ABHD12: variants seen among roughly 807,000 people sequenced by gnomAD.
ABHD12 encodes lysophosphatidylserine lipase ABHD12.
ABHD12 carries 43 observed loss-of-function variants against 58.3 expected under a neutral mutation model. That is an observed-to-expected ratio of 0.74 (90% CI 0.58 to 0.95). The LOEUF is 0.95. ABHD12 is among the 40% of genes least tolerant of loss of function. The pLI, the probability that ABHD12 is intolerant of heterozygous loss-of-function variation, is 0.00. For synonymous variants in ABHD12, 219 were observed against 211.2 expected, an observed-to-expected ratio of 1.04 and a Z score of -0.32; for missense variants, 539 against 537.2, an observed-to-expected ratio of 1.00 and a Z score of -0.03.
chr20:25,296,291 C>T (rs2145906566), downstream of ABHD12: 1 of 1,553,874 alleles, frequency 6.4e-7, no homozygotes. Context: ...GGAAACAGTC[C>T]TAAAGTTCTG....
At chr20:25,354,096 G>A (rs956287481) in intron 1 of ABHD12, among the ~76,000 whole-genome samples, 1 of 152,220 alleles carries the variant, frequency 6.6e-6, no homozygotes, top group South Asian at 2.1e-4. Flanking sequence ...CTTTAAGGAC[G>A]GGGAGGTTCT....
intron 6 of ABHD12, 26 bp from the exon 7 acceptor site, chr20:25,309,601 G>C (rs1408756416): frequency 6.2e-7 from 1 of 1,613,444 alleles, no homozygotes; most frequent in Non-Finnish European, 8.5e-7. Context: ...GGCAGGACGG[G>C]GAGGTCAAAG....
intron 6 of ABHD12, among the ~76,000 whole-genome samples, chr20:25,313,006 G>A (rs1399373641): frequency 1.3e-5 from 2 of 152,100 alleles, no homozygotes; most frequent in Non-Finnish European, 2.9e-5. Flanking sequence ...TCTGGGAGGT[G>A]GGGGGCGCCT....
At position 25,339,210 on chromosome 20, in the gene ABHD12, G is replaced by T. The variant is rs117746733; in HGVS notation, c.316+17C>A. ...CCCTTACTAAAATTAAAGGAAAAAT[G>T]GACACATACCACTTACCGAAATTCA... On this transcript the variant is annotated intron_variant, in intron 2 of 12. Transcript: ENST00000339157. 1.7e-5 allele frequency: 27 copies of T among 1,613,852 alleles called. No individual in the cohort carries two copies. The highest frequency in any genetic ancestry group is 2.2e-5 in the Non-Finnish European group (26 of 1,179,886).
At chr20:25,350,894 A>G (rs2482928) in intron 1 of ABHD12, among the ~76,000 whole-genome samples, 90,087 of 151,176 alleles carry the variant, frequency 0.6, 27,920 homozygotes, top group African/African-American at 0.72. Context: ...TTGACCTTGG[A>G]TACCAGAGCA....
chr20:25,375,534 C>T (rs2089951888), intron 1 of ABHD12, among the ~76,000 whole-genome samples: 1 of 152,170 alleles, frequency 6.6e-6, no homozygotes, highest in Non-Finnish European at 1.5e-5. Flanking sequence ...AAACTCTAGC[C>T]ACATTGGTCT....
At chr20:25,322,382 T>TATATATATATATATATATATATA (rs1491359839) in intron 3 of ABHD12, among the ~76,000 whole-genome samples, 7 of 38,250 alleles carry the variant, frequency 1.8e-4, no homozygotes, top group South Asian at 1.3e-3. Flanking sequence ...TATATATATA[T>TATATATATATATATATATATATA]TTTTTTTTTT....
chr20:25,389,706 T>C (rs2090143170), intron 1 of ABHD12, among the ~76,000 whole-genome samples: 1 of 151,716 alleles, frequency 6.6e-6, no homozygotes, highest in African/African-American at 2.4e-5. Context: ...TGAACGCCAA[T>C]AACCAAACGA....
At chr20:25,371,116 G>T (rs1000658936) in intron 1 of ABHD12, among the ~76,000 whole-genome samples, 2 of 152,170 alleles carry the variant, frequency 1.3e-5, no homozygotes, top group African/African-American at 4.8e-5. Flanking sequence ...GAACGAGAGT[G>T]ATCAGCTAAT....
intron 1 of ABHD12, among the ~76,000 whole-genome samples, chr20:25,352,862 A>T (rs1230746362): frequency 6.6e-6 from 1 of 152,076 alleles, no homozygotes; most frequent in Non-Finnish European, 1.5e-5. Flanking sequence ...TGGGCAACAC[A>T]GTGAGACCAG....
At chr20:25,382,666 C>T (rs1458211741) in intron 1 of ABHD12, among the ~76,000 whole-genome samples, 2 of 152,138 alleles carry the variant, frequency 1.3e-5, no homozygotes, top group Non-Finnish European at 2.9e-5. Flanking sequence ...AAGGCTTCCT[C>T]CATGAAAGTG....
chr20:25,362,432 T>G (rs2089762297), intron 1 of ABHD12, among the ~76,000 whole-genome samples: 1 of 151,756 alleles, frequency 6.6e-6, no homozygotes, highest in Admixed American at 6.6e-5. Context: ...CCGGGCGTGG[T>G]GGCGGGTGCC....
chr20:25,387,590 T>TAAAAAA lies in ABHD12; in HGVS notation c.191+2917_191+2922dup, dbSNP rs57449867. 9.1e-4 allele frequency among the ~76,000 whole-genome samples: 103 copies of TAAAAAA among 113,030 alleles called. 4 individuals carry two copies. The highest frequency in any genetic ancestry group is 5.9e-3 in the East Asian group (22 of 3,740). The allele number at this position is 113,030 out of a possible 152,430, so 74.2% of individuals were successfully genotyped here. ...CAACATAGTGAGACTTCATCTCTATTAAAAAAAAAAAAAAAAAATTAACCA... is the reference window on the plus strand; with the variant it reads ...CAACATAGTGAGACTTCATCTCTATTAAAAAAAAAAAAAAAAAAAAAAAATTAACCA... On this transcript the variant is annotated intron_variant, in intron 1 of 12. Coordinates refer to ENST00000339157, the MANE Select transcript of ABHD12 (RefSeq NM_001042472.3).
chr20:25,348,461 A>C (rs1440012607), intron 1 of ABHD12, among the ~76,000 whole-genome samples: 5 of 151,434 alleles, frequency 3.3e-5, no homozygotes, highest in South Asian at 2.1e-4. Flanking sequence ...AAAAAAAAAA[A>C]AAAAAACAAA....
downstream of ABHD12, among the ~76,000 whole-genome samples, chr20:25,298,835 C>A (rs538124121): frequency 1.8e-4 from 28 of 152,332 alleles, no homozygotes; most frequent in African/African-American, 6.7e-4. Context: ...TCCTTGGCCT[C>A]AGACCTGGTC....
At chr20:25,358,918 A>G (rs1378552799) in intron 1 of ABHD12, among the ~76,000 whole-genome samples, 1 of 152,190 alleles carries the variant, frequency 6.6e-6, no homozygotes, top group Non-Finnish European at 1.5e-5. Flanking sequence ...CAGCTTATAA[A>G]ATCATATGTG....
At chr20:25,335,672 T>C (rs984658446) in intron 2 of ABHD12, among the ~76,000 whole-genome samples, 8 of 147,908 alleles carry the variant, frequency 5.4e-5, no homozygotes, top group East Asian at 2.0e-4. Flanking sequence ...ATGGATGAAA[T>C]TGGAAATCAT....
At chr20:25,336,346 A>G (rs2089368789) in intron 2 of ABHD12, among the ~76,000 whole-genome samples, 1 of 151,888 alleles carries the variant, frequency 6.6e-6, no homozygotes, top group African/African-American at 2.4e-5. Flanking sequence ...TAGAATAATC[A>G]TGATGTTTTG....
At chr20:25,321,037 G>T (rs2145972772) in intron 3 of ABHD12, among the ~76,000 whole-genome samples, 1 of 152,272 alleles carries the variant, frequency 6.6e-6, no homozygotes, top group South Asian at 2.1e-4. Flanking sequence ...GGATACCAGT[G>T]ACAAGAATCT....
Sources: gnomAD v4.1 joint callset for allele counts (sites outside exome capture counted in the v4.1 genomes callset) on GRCh38, gnomAD v4.1.1 for gene constraint, MANE v1.5 for transcripts, NCBI Gene and HGNC (gene_info 2026-07-23, HGNC 2026-07-21) for gene names.